The following ABAT variants were observed in gnomAD, a reference collection of about 807,000 sequenced individuals.
ABAT encodes the protein 4-aminobutyrate aminotransferase.
In ABAT, 45 loss-of-function variants were observed where a neutral mutation model predicts 64.6. That is an observed-to-expected ratio of 0.70 (90% CI 0.55 to 0.89). The LOEUF is 0.89. Among genes scored for constraint, ABAT ranks in the 40% least tolerant of loss-of-function variants. ABAT has a pLI of 0.00. For synonymous variants in ABAT, 297 were observed against 250.5 expected (o/e 1.19, Z -1.75); for missense variants, 633 against 658.4 (o/e 0.96, Z 0.42).
intron 4 of ABAT, 72 bp from the exon 5 acceptor site, chr16:8,750,350 C>A (rs1474589520): frequency 1.5e-6 from 2 of 1,291,282 alleles, no homozygotes; most frequent in East Asian, 2.3e-5. Flanking sequence ...TTCACTGATT[C>A]AAGCTTAATC....
intron 2 of ABAT, among the ~76,000 whole-genome samples, chr16:8,737,920 TAAA>T (rs55678780): frequency 2.9e-5 from 2 of 69,656 alleles, no homozygotes; most frequent in African/African-American, 1.3e-4. Context: ...AGACTGAGAT[TAAA>T]AAAAAAAAAA....
At chr16:8,684,631 G>C (rs1057434815) in intron 1 of ABAT, among the ~76,000 whole-genome samples, 1 of 151,608 alleles carries the variant, frequency 6.6e-6, no homozygotes, top group African/African-American at 2.4e-5. Flanking sequence ...AGGCAGGAGG[G>C]TCGCTTGAGT....
At chr16:8,772,331 T>C (rs927676948) in intron 11 of ABAT, among the ~76,000 whole-genome samples, 1 of 147,768 alleles carries the variant, frequency 6.8e-6, no homozygotes. Context: ...TTTCTCTCAA[T>C]ATACCCGTGA....
chr16:8,767,656 G>A (rs982093131), intron 9 of ABAT, among the ~76,000 whole-genome samples: 12 of 152,120 alleles, frequency 7.9e-5, no homozygotes, highest in African/African-American at 2.9e-4. Context: ...AGGTCTCTAT[G>A]TGAAATTTCT....
At chr16:8,750,384 G>C in intron 4 of ABAT, 38 bp from the exon 5 acceptor site, 6 of 1,523,242 alleles carry the variant, frequency 3.9e-6, no homozygotes, top group Non-Finnish European at 5.5e-6. Context: ...AATCTAGGGA[G>C]TGGCAGTGAG....
intron 6 of ABAT, among the ~76,000 whole-genome samples, chr16:8,763,833 G>A (rs866377783): frequency 7.2e-5 from 11 of 152,144 alleles, no homozygotes; most frequent in African/African-American, 2.2e-4. Flanking sequence ...CCTATATAAC[G>A]CCAATGCAAT....
intron 2 of ABAT, among the ~76,000 whole-genome samples, chr16:8,743,442 T>TATATATATATATATATATAC (rs2059230347): frequency 1.2e-5 from 1 of 85,108 alleles, no homozygotes; most frequent in Non-Finnish European, 2.3e-5. Flanking sequence ...TATATATATA[T>TATATATATATATATATATAC]ATACACACAT....
intron 1 of ABAT, among the ~76,000 whole-genome samples, chr16:8,691,522 C>T (rs540087914): frequency 7.1e-4 from 108 of 152,218 alleles, no homozygotes; most frequent in Non-Finnish European, 1.3e-3. Context: ...TCAATGCAAT[C>T]TCTGCCTCCT....
chr16:8,709,877 A>G (rs949338436), intron 1 of ABAT, among the ~76,000 whole-genome samples: 1 of 151,596 alleles, frequency 6.6e-6, no homozygotes, highest in Non-Finnish European at 1.5e-5. Flanking sequence ...GCTGGAGTAC[A>G]GTGGCACGGT....
chr16:8,712,262 T>C (rs544436193), intron 1 of ABAT, among the ~76,000 whole-genome samples: 1 of 152,246 alleles, frequency 6.6e-6, no homozygotes, highest in Admixed American at 6.5e-5. Flanking sequence ...ATTACTATTT[T>C]TGTTTTAAAA....
Position 8,764,648 on chromosome 16 carries a change from G to T in ABAT, c.448-90G>T, listed in dbSNP as rs764927007. ...CCCTGGTTCTGTCTGTCCCCGGTAC[G>T]GCCCCTGCGAAGATTCAGCTCCAGC... On this transcript the variant is annotated intron_variant, in intron 7 of 15. Transcript: ENST00000268251. This position sits in a 1 kb window ranked among gnomAD's most constrained non-coding sequence, Gnocchi z 4.2. The T allele has an allele frequency of 5.7e-6, 7 of 1,228,690 alleles. No individual in the cohort carries two copies. The highest frequency in any genetic ancestry group is 1.5e-5 in the African/African-American group (1 of 67,174). The allele number at this position is 1,228,690 out of a possible 1,614,324, so 76.1% of individuals were successfully genotyped here.
At chr16:8,774,854 G>A in intron 12 of ABAT, 36 bp from the exon 13 acceptor site, 1 of 1,612,058 alleles carries the variant, frequency 6.2e-7, no homozygotes, top group Non-Finnish European at 8.5e-7. Flanking sequence ...CCTCCCACGG[G>A]TGTTTATTTC....
chr16:8,757,813 C>G lies in ABAT; in HGVS notation c.366+7C>G. The G allele has an allele frequency of 6.2e-7, 1 of 1,613,856 alleles. No homozygotes were observed. Among genetic ancestry groups the G allele is most frequent in the African/African-American group, 1.3e-5 (1 of 75,020 alleles). On this transcript the variant is annotated splice_region_variant and intron_variant, in intron 6 of 15. Coordinates refer to ENST00000268251, the MANE Select transcript of ABAT (RefSeq NM_020686.6). Reference sequence around the variant, plus strand: ...CCAACAGCCTCAAAATGCGGTAGGTCTTGGGGTTACACAGAAGAAAGACAA... The same window carrying G: ...CCAACAGCCTCAAAATGCGGTAGGTGTTGGGGTTACACAGAAGAAAGACAA...
intron 1 of ABAT, among the ~76,000 whole-genome samples, chr16:8,734,855 G>A (rs1050952810): frequency 6.6e-6 from 1 of 152,112 alleles, no homozygotes; most frequent in African/African-American, 2.4e-5. Flanking sequence ...CAGGGAGCAA[G>A]GAGAGATGAT....
chr16:8,743,316 CTCTGTG>C (rs1158284132), intron 2 of ABAT, among the ~76,000 whole-genome samples: 53 of 48,428 alleles, frequency 1.1e-3, no homozygotes, highest in Non-Finnish European at 3.7e-4. Flanking sequence ...GCATGTGTGT[CTCTGTG>C]TGTGTGTGTG....
chr16:8,772,347 C>G (rs1382003486), intron 11 of ABAT, among the ~76,000 whole-genome samples: 1 of 148,052 alleles, frequency 6.8e-6, no homozygotes, highest in Non-Finnish European at 1.5e-5. Context: ...CGTGATGTAG[C>G]TATTTCCCAC....
chr16:8,695,229 C>G (rs2057675846), intron 1 of ABAT, among the ~76,000 whole-genome samples: 1 of 152,178 alleles, frequency 6.6e-6, no homozygotes, highest in African/African-American at 2.4e-5. Flanking sequence ...GCTGAGTCTA[C>G]AAGACATCTC....
intron 2 of ABAT, among the ~76,000 whole-genome samples, chr16:8,743,715 TTATATAA>T (rs2059249688): frequency 6.8e-6 from 1 of 147,652 alleles, no homozygotes; most frequent in Non-Finnish European, 1.5e-5. Context: ...ATATATGTAG[TTATATAA>T]TATATATTTT....
At position 8,779,571 on chromosome 16, in the gene ABAT, T is replaced by G; in HGVS notation, c.1362T>G (p.Ile454Met). The stretch of plus-strand genomic sequence containing the variant: ...ATGATTCCATACGGAATAAGCTCAT[T>G]TTAATTGCCAGAAACAAAGGTAAGG... ...TPDDSIRNKL[I>M]LIARNKGVVL... Residue 454 changes from isoleucine to methionine, a missense_variant, in exon 15 of 16, where the codon ATT becomes ATG. Ile to Met is a conservative substitution (Grantham distance 10). Coordinates refer to ENST00000268251, the MANE Select transcript of ABAT (RefSeq NM_020686.6). The G allele has an allele frequency of 6.2e-7, 1 of 1,614,102 alleles. No individual in the cohort carries two copies. The highest frequency in any genetic ancestry group is 8.5e-7 in the Non-Finnish European group (1 of 1,180,010).
Sources: gnomAD v4.1 joint callset for allele counts (sites outside exome capture counted in the v4.1 genomes callset) on GRCh38, gnomAD v4.1.1 for gene constraint, Gnocchi (gnomAD v3.1) non-coding constraint, MANE v1.5 for transcripts, NCBI Gene and HGNC (gene_info 2026-07-23, HGNC 2026-07-21) for gene names.